OXR1: variants seen among roughly 807,000 people sequenced by gnomAD.
OXR1 encodes the protein oxidation resistance 1.
OXR1 carries 41 observed loss-of-function variants against 104.6 expected under a neutral mutation model. The ratio of observed to expected loss-of-function variants is 0.39; its 90% CI spans 0.31 to 0.51. The LOEUF (loss-of-function observed/expected upper bound fraction) is 0.51. Ranked by LOEUF, OXR1 falls within the 20% of genes least tolerant of loss-of-function variation. The pLI, the probability that OXR1 is intolerant of heterozygous loss-of-function variation, is 0.77. For missense variants in OXR1, 955 were observed against 1,031.9 expected (o/e 0.93, Z 1.02); for synonymous variants, 348 against 348.4 (o/e 1.00, Z 0.01).
At chr8:106,315,930 G>A (rs1203420811) in intron 1 of OXR1, among the ~76,000 whole-genome samples, 5 of 152,094 alleles carry the variant, frequency 3.3e-5, no homozygotes, top group African/African-American at 9.7e-5. Context: ...TTTAAACTTC[G>A]ACATGAACTA....
At chr8:106,510,382 G>T (rs1188466890) in intron 2 of OXR1, among the ~76,000 whole-genome samples, 1 of 152,104 alleles carries the variant, frequency 6.6e-6, no homozygotes, top group Non-Finnish European at 1.5e-5. Flanking sequence ...ACTTCTAATA[G>T]AAAATGCTTC....
At chr8:106,702,045 C>G (rs560476907) in intron 7 of OXR1, among the ~76,000 whole-genome samples, 1 of 152,196 alleles carries the variant, frequency 6.6e-6, no homozygotes, top group Non-Finnish European at 1.5e-5. Flanking sequence ...TTTCAGCTCA[C>G]TGCAACCTCT....
chr8:106,717,026 A>G (rs1832334103), intron 11 of OXR1, among the ~76,000 whole-genome samples: 1 of 152,074 alleles, frequency 6.6e-6, no homozygotes, highest in Non-Finnish European at 1.5e-5. Flanking sequence ...TCTCTACTAA[A>G]AATACAAAAA....
At chr8:106,623,387 T>C (rs889100363) in intron 3 of OXR1, among the ~76,000 whole-genome samples, 3 of 151,448 alleles carry the variant, frequency 2.0e-5, no homozygotes, top group Admixed American at 6.6e-5. Context: ...ACTTACACAA[T>C]AGTAAAAAAA....
intron 3 of OXR1, among the ~76,000 whole-genome samples, chr8:106,520,739 C>T (rs1586752121): frequency 6.6e-6 from 1 of 152,208 alleles, no homozygotes; most frequent in South Asian, 2.1e-4. Context: ...TACCACTATC[C>T]TTCTCTCCTC....
At chr8:106,549,877 G>A (rs1250167025) in intron 3 of OXR1, among the ~76,000 whole-genome samples, 1 of 152,064 alleles carries the variant, frequency 6.6e-6, no homozygotes, top group Non-Finnish European at 1.5e-5. Context: ...ATGACTTTTG[G>A]ACAACACAAA....
At chr8:106,587,085 T>C (rs1818687314) in intron 3 of OXR1, among the ~76,000 whole-genome samples, 2 of 152,146 alleles carry the variant, frequency 1.3e-5, no homozygotes, top group South Asian at 2.1e-4. Flanking sequence ...TTATGTGGAT[T>C]AATCCAGTAG....
rs185676027 is a variant in OXR1, at chr8:106,697,666, A to G, written c.675+4789A>G. On this transcript the variant is annotated intron_variant, in intron 7 of 16. Transcript: ENST00000517566. ...ACAGGCCATGTTCTTTCCTTCCCAG[A>G]GGTCCACAGTTTGGAAGATGTCAGT... 265 of 1,614,056 alleles carry G rather than the reference A, an allele frequency of 1.6e-4. 1 individual carries two copies. The African/African-American group carries it at 3.2e-3, about 20-fold the overall frequency.
At chr8:106,388,715 C>G (rs572232791) in intron 2 of OXR1, among the ~76,000 whole-genome samples, 97 of 152,310 alleles carry the variant, frequency 6.4e-4, no homozygotes, top group African/African-American at 2.3e-3. Context: ...AGCCACCTTG[C>G]CCAGCCTTTC....
intron 2 of OXR1, among the ~76,000 whole-genome samples, chr8:106,487,170 T>A (rs1810719349): frequency 6.6e-6 from 1 of 151,414 alleles, no homozygotes; most frequent in Non-Finnish European, 1.5e-5. Context: ...ATTACAGGTG[T>A]GTGCTACCAC....
chr8:106,584,951 A>G (rs759356483), intron 3 of OXR1, among the ~76,000 whole-genome samples: 1 of 152,104 alleles, frequency 6.6e-6, no homozygotes, highest in Non-Finnish European at 1.5e-5. Flanking sequence ...TTACAAGTCA[A>G]TTAGAACTAG....
intron 3 of OXR1, among the ~76,000 whole-genome samples, chr8:106,642,801 G>A (rs1167558551): frequency 1.3e-5 from 2 of 152,148 alleles, no homozygotes; most frequent in Admixed American, 6.5e-5. Flanking sequence ...GGAGTTGAAG[G>A]GTATAGAAAC....
intron 2 of OXR1, among the ~76,000 whole-genome samples, chr8:106,444,667 A>C (rs1475209588): frequency 2.0e-5 from 3 of 152,006 alleles, no homozygotes; most frequent in African/African-American, 7.3e-5. Context: ...GAGGGTAACA[A>C]CACCCACCAG....
At chr8:106,335,011 C>G (rs1288741571) in intron 1 of OXR1, among the ~76,000 whole-genome samples, 1 of 142,114 alleles carries the variant, frequency 7.0e-6, no homozygotes, top group African/African-American at 3.0e-5. Flanking sequence ...CCCTTCACAT[C>G]AGACACATAC....
chr8:106,729,922 T>C (rs537756113), intron 11 of OXR1: 1 of 152,256 alleles, frequency 6.6e-6, no homozygotes, highest in East Asian at 1.9e-4. Flanking sequence ...AAAATGAACA[T>C]CTGTGATGTA....
intron 2 of OXR1, among the ~76,000 whole-genome samples, chr8:106,513,399 G>A (rs994696012): frequency 6.9e-6 from 1 of 144,690 alleles, no homozygotes; most frequent in Non-Finnish European, 1.5e-5. Flanking sequence ...GGTCAAACCT[G>A]CGTGGATTTA....
intron 3 of OXR1, among the ~76,000 whole-genome samples, chr8:106,605,991 A>G (rs1273099057): frequency 8.5e-6 from 1 of 117,698 alleles, no homozygotes; most frequent in African/African-American, 3.6e-5. Context: ...CAAAGTGTTT[A>G]CCAGATGTAT....
At chr8:106,656,395 G>C (rs954137291) in intron 3 of OXR1, 1 of 152,212 alleles carries the variant, frequency 6.6e-6, no homozygotes, top group Non-Finnish European at 1.5e-5. Flanking sequence ...ACAGCTCTCT[G>C]GGTCCCTTTT....
chr8:106,555,141 G>C (rs1403745174), intron 3 of OXR1, among the ~76,000 whole-genome samples: 1 of 152,008 alleles, frequency 6.6e-6, no homozygotes, highest in Admixed American at 6.6e-5. Context: ...ATGCTATTTT[G>C]TGTTATTTGA....
Sources: allele counts gnomAD v4.1 joint callset (sites outside exome capture counted in the v4.1 genomes callset), GRCh38; gene constraint gnomAD v4.1.1; transcripts MANE v1.5; gene names NCBI Gene and HGNC (gene_info 2026-07-23, HGNC 2026-07-21).